Variants in PTPRJ observed in about 807,000 individuals in gnomAD.
PTPRJ encodes the protein receptor-type tyrosine-protein phosphatase eta.
Under a neutral mutation model 141.3 loss-of-function variants are expected in PTPRJ, and 129 were observed. That is an observed-to-expected ratio of 0.91 (90% CI 0.79 to 1.06). The LOEUF is 1.06. PTPRJ is among the 50% of genes least tolerant of loss of function. The probability of loss-of-function intolerance (pLI) is 0.00; values close to 1 mark genes in which losing one functional copy is unlikely to be tolerated. For missense variants in PTPRJ, 1,601 were observed against 1,679.7 expected (o/e 0.95, Z 0.82); for synonymous variants, 610 against 640.5 (o/e 0.95, Z 0.72).
intron 18 of PTPRJ, among the ~76,000 whole-genome samples, chr11:48,152,682 G>A (rs1857513563): frequency 6.6e-6 from 1 of 152,136 alleles, no homozygotes; most frequent in Non-Finnish European, 1.5e-5. Flanking sequence ...ATTAAATTGG[G>A]AATCCTTTCC....
chr11:48,041,117 A>G (rs1444521558), intron 1 of PTPRJ, among the ~76,000 whole-genome samples: 4 of 151,850 alleles, frequency 2.6e-5, no homozygotes, highest in African/African-American at 9.7e-5. Context: ...TGTGTCACTG[A>G]GCTCACTATG....
At chr11:48,153,208 C>T (rs1347278704) in intron 18 of PTPRJ, among the ~76,000 whole-genome samples, 3 of 152,060 alleles carry the variant, frequency 2.0e-5, no homozygotes, top group Non-Finnish European at 4.4e-5. Flanking sequence ...GGGGTTTATA[C>T]AGCAGGAAAG....
intron 1 of PTPRJ, among the ~76,000 whole-genome samples, chr11:48,062,229 G>A (rs1353059030): frequency 4.0e-5 from 6 of 151,732 alleles, no homozygotes; most frequent in African/African-American, 1.4e-4. Flanking sequence ...AAAGTGCCTG[G>A]CAGGCCAGGC....
chr11:47,985,671 C>CATTT (rs139376265), intron 1 of PTPRJ, among the ~76,000 whole-genome samples: 3,744 of 136,016 alleles, frequency 0.028, 127 homozygotes, highest in African/African-American at 0.078. Flanking sequence ...AGGTGGCAGA[C>CATTT]ATTTATTTAT....
At chr11:48,023,257 G>C (rs964364105) in intron 1 of PTPRJ, among the ~76,000 whole-genome samples, 2 of 152,102 alleles carry the variant, frequency 1.3e-5, no homozygotes, top group Non-Finnish European at 2.9e-5. Flanking sequence ...AAACCAGAGG[G>C]TGCCTGCCAG....
Position 48,051,217 on chromosome 11 carries a change from C to T in PTPRJ, c.97-58841C>T, listed in dbSNP as rs537352262. The stretch of plus-strand genomic sequence containing the variant: ...TTCAAGCGATTCTCCTGCCTTGCCT[C>T]CTGAGTAGCTGGGATTACAGGTGCG... On this transcript the variant is annotated intron_variant, in intron 1 of 24. Coordinates refer to ENST00000418331, the MANE Select transcript of PTPRJ (RefSeq NM_002843.4). Among the ~76,000 whole-genome samples the T allele has an allele frequency of 2.0e-5, 3 of 150,318 alleles. No individual in the cohort carries two copies. The East Asian group carries it at 5.9e-4, about 29-fold the overall frequency.
At chr11:48,035,961 T>C (rs576207912) in intron 1 of PTPRJ, among the ~76,000 whole-genome samples, 2 of 152,320 alleles carry the variant, frequency 1.3e-5, no homozygotes, top group South Asian at 4.1e-4. Context: ...ACTACCCCAT[T>C]TGGGGTTGGG....
chr11:47,997,782 G>C (rs1854383028), intron 1 of PTPRJ, among the ~76,000 whole-genome samples: 1 of 152,156 alleles, frequency 6.6e-6, no homozygotes, highest in Non-Finnish European at 1.5e-5. Flanking sequence ...CCATTGCAAA[G>C]AGATTCACTG....
At chr11:48,089,465 G>A (rs1177260670) in intron 1 of PTPRJ, among the ~76,000 whole-genome samples, 2 of 144,998 alleles carry the variant, frequency 1.4e-5, no homozygotes, top group South Asian at 4.4e-4. Flanking sequence ...ACAGTGAGCC[G>A]ATATTGTGCC....
chr11:48,048,866 A>G (rs1187981524), intron 1 of PTPRJ, among the ~76,000 whole-genome samples: 158 of 152,250 alleles, frequency 1.0e-3, no homozygotes, highest in Non-Finnish European at 2.8e-4. Context: ...TCACTTTCAC[A>G]GTCTTGGAAG....
At chr11:48,084,373 G>A (rs1390248539) in intron 1 of PTPRJ, among the ~76,000 whole-genome samples, 2 of 152,084 alleles carry the variant, frequency 1.3e-5, no homozygotes, top group Non-Finnish European at 2.9e-5. Context: ...TAGCAGAGAC[G>A]GGGTTTTACC....
intron 22 of PTPRJ, among the ~76,000 whole-genome samples, chr11:48,162,766 G>A (rs1857819064): frequency 6.6e-6 from 1 of 152,196 alleles, no homozygotes; most frequent in African/African-American, 2.4e-5. Context: ...CCCAGCTGGG[G>A]TGGGCTTCTG....
intron 1 of PTPRJ, among the ~76,000 whole-genome samples, chr11:48,017,443 T>TA (rs1854980096): frequency 6.6e-6 from 1 of 152,140 alleles, no homozygotes; most frequent in African/African-American, 2.4e-5. Flanking sequence ...TTAAAGAAAA[T>TA]AAGAGATGCC....
chr11:48,040,080 C>T (rs888618279), intron 1 of PTPRJ, among the ~76,000 whole-genome samples: 8 of 152,220 alleles, frequency 5.3e-5, no homozygotes, highest in East Asian at 1.9e-4. Context: ...TGAGCCACAC[C>T]GCCTGGCCGC....
intron 22 of PTPRJ, among the ~76,000 whole-genome samples, chr11:48,160,310 G>T (rs1857735198): frequency 6.6e-6 from 1 of 152,156 alleles, no homozygotes; most frequent in Admixed American, 6.5e-5. Context: ...TCTACATCAG[G>T]AACTCTTTCC....
chr11:48,137,006 C>T lies in PTPRJ; in HGVS notation c.1877C>T (p.Pro626Leu). The T allele has an allele frequency of 6.3e-7, 1 of 1,597,144 alleles. No homozygotes were observed. Among genetic ancestry groups the T allele is most frequent in the South Asian group, 1.1e-5 (1 of 90,646 alleles). Residue 626 changes from proline (P) to leucine (L), a missense_variant, in exon 10 of 25, where the codon CCC (proline) becomes CTC (leucine). Transcript: ENST00000418331. Reference protein sequence around the residue: ...DPNSTAQYTRPSNVSNIDVST... With the variant: ...DPNSTAQYTRLSNVSNIDVST... ...TTGCCTTTTTTTTAAAATCAAGGGC[C>T]CAGCAATGTGTCCAACATTGATGTA...
At chr11:48,147,975 A>T (rs1051280345) in intron 15 of PTPRJ, among the ~76,000 whole-genome samples, 1 of 151,858 alleles carries the variant, frequency 6.6e-6, no homozygotes, top group African/African-American at 2.4e-5. Flanking sequence ...CCTCTTGAGT[A>T]GCTGGGATTA....
intron 1 of PTPRJ, among the ~76,000 whole-genome samples, chr11:48,049,693 G>A (rs1166963973): frequency 2.8e-5 from 4 of 140,482 alleles, no homozygotes; most frequent in Admixed American, 1.5e-4. Flanking sequence ...CAGCCTGGGC[G>A]ACAATAGTGA....
At chr11:48,082,220 G>A (rs777820921) in intron 1 of PTPRJ, among the ~76,000 whole-genome samples, 3 of 152,144 alleles carry the variant, frequency 2.0e-5, no homozygotes, top group Non-Finnish European at 4.4e-5. Context: ...TGTTTTCAAC[G>A]TTTCATCCAG....
Sources: gnomAD v4.1 joint callset for allele counts (sites outside exome capture counted in the v4.1 genomes callset) on GRCh38, gnomAD v4.1.1 for gene constraint, MANE v1.5 for transcripts, NCBI Gene and HGNC (gene_info 2026-07-23, HGNC 2026-07-21) for gene names.